The following SPIDR variants were observed in gnomAD, a reference collection of about 807,000 sequenced individuals.
The protein encoded by SPIDR is scaffold protein involved in DNA repair, also known as DNA repair-scaffolding protein.
Under a neutral mutation model 104.6 loss-of-function variants are expected in SPIDR, and 93 were observed. The observed-to-expected ratio is 0.89, with a 90% CI of 0.75 to 1.06. The LOEUF is 1.06. Ranked by LOEUF, SPIDR falls within the 50% of genes least tolerant of loss-of-function variation. SPIDR has a pLI of 0.00. For missense variants in SPIDR, 1,154 were observed against 1,111.2 expected (o/e 1.04, Z -0.55); for synonymous variants, 431 against 416.9 (o/e 1.03, Z -0.41).
At chr8:47,274,612 C>T (rs1371965557) in intron 1 of SPIDR, among the ~76,000 whole-genome samples, 1 of 150,506 alleles carries the variant, frequency 6.6e-6, no homozygotes, top group Non-Finnish European at 1.5e-5. Context: ...GAGTCTCGCT[C>T]TATCACCCAT....
chr8:47,525,552 G>C (rs2084845432), intron 8 of SPIDR, among the ~76,000 whole-genome samples: 1 of 151,960 alleles, frequency 6.6e-6, no homozygotes, highest in Admixed American at 6.6e-5. Flanking sequence ...TGTAATCCCA[G>C]CATTTTGGGA....
chr8:47,451,578 C>G (rs1409825440), intron 8 of SPIDR, among the ~76,000 whole-genome samples: 1 of 84,748 alleles, frequency 1.2e-5, no homozygotes, highest in East Asian at 4.7e-4. Context: ...GAAACCCTGC[C>G]AAAACACACA....
chr8:47,596,724 A>C (rs2061658874), intron 9 of SPIDR, among the ~76,000 whole-genome samples: 1 of 152,050 alleles, frequency 6.6e-6, no homozygotes, highest in Admixed American at 6.6e-5. Flanking sequence ...TAAACTTTAA[A>C]TTTTTCATTA....
intron 10 of SPIDR, among the ~76,000 whole-genome samples, chr8:47,605,531 C>T (rs2062828227): frequency 1.3e-5 from 2 of 152,146 alleles, no homozygotes; most frequent in Admixed American, 1.3e-4. Flanking sequence ...AATGTGTATG[C>T]AGGTACCATT....
At chr8:47,328,000 G>GT (rs144077967) in intron 5 of SPIDR, among the ~76,000 whole-genome samples, 1,852 of 139,112 alleles carry the variant, frequency 0.013, 37 homozygotes, top group African/African-American at 0.042. Context: ...CCCTGGCCGT[G>GT]TTTTTTTTTT....
At chr8:47,698,222 GTTTGTTGC>G (rs200798746) in intron 11 of SPIDR, among the ~76,000 whole-genome samples, 4,705 of 152,274 alleles carry the variant, frequency 0.031, 138 homozygotes, top group Admixed American at 0.089. Flanking sequence ...CTGTCAGACT[GTTTGTTGC>G]TTAAACATAT....
chr8:47,357,974 G>T, intron 5 of SPIDR: 1 of 532,270 alleles, frequency 1.9e-6, no homozygotes, highest in Non-Finnish European at 2.4e-6. Flanking sequence ...ATTCACTCTG[G>T]CAGTCTTTCC....
rs1050814108 is a variant in SPIDR at position 47,481,998 on chromosome 8, T to C, written c.1097+41456T>C. 2.6e-5 allele frequency among the ~76,000 whole-genome samples: 4 copies of C among 152,344 alleles called. No homozygotes were observed. The East Asian group carries it at 7.7e-4, about 29-fold the overall frequency. ...TTCTATTTGGAGTAAATAACACATT[T>C]TGGCATGGTTCTTCATGTCTTAGCA... On this transcript the variant is annotated intron_variant, in intron 8 of 19. Transcript: ENST00000297423.
chr8:47,459,286 T>G lies in SPIDR; in HGVS notation c.1097+18744T>G, dbSNP rs548030965. Among the ~76,000 whole-genome samples the G allele has an allele frequency of 2.6e-5, 4 of 152,252 alleles. No homozygotes were observed. The East Asian group carries it at 7.7e-4, about 29-fold the overall frequency. On this transcript the variant is annotated intron_variant, in intron 8 of 19. Transcript: ENST00000297423. Reference sequence around the variant, plus strand: ...TGGTCCTGGAAGTTTTTTTTCTTGGTAATTCTTTTATTACCGTTTCAACCT... The same window carrying G: ...TGGTCCTGGAAGTTTTTTTTCTTGGGAATTCTTTTATTACCGTTTCAACCT...
chr8:47,599,159 G>C lies in SPIDR; in HGVS notation c.1507G>C (p.Gly503Arg), dbSNP rs367805804. 2 of 1,613,654 alleles carry C rather than the reference G, an allele frequency of 1.2e-6. No individual in the cohort carries two copies. Among genetic ancestry groups the C allele is most frequent in the Non-Finnish European group, 8.5e-7 (1 of 1,179,940 alleles). Residue 503 changes from glycine to arginine, a missense_variant, in exon 10 of 20, where the codon GGG (glycine) becomes CGG (arginine). By Grantham distance (125) the Gly-to-Arg change is moderately radical. Transcript: ENST00000297423. ...PSRDSTRGQQ[G>R]ASSGHTDPAG... The stretch of plus-strand genomic sequence containing the variant: ...CAGAGACAGCACCAGGGGTCAGCAG[G>C]GGGCCAGCTCAGGACACACAGACCC...
chr8:47,525,933 T>G (rs930813546), intron 8 of SPIDR, among the ~76,000 whole-genome samples: 26 of 152,182 alleles, frequency 1.7e-4, no homozygotes, highest in African/African-American at 6.0e-4. Flanking sequence ...CCTGCAGTTG[T>G]AGAAAATGTG....
At chr8:47,400,884 A>G (rs547567507) in intron 6 of SPIDR, among the ~76,000 whole-genome samples, 59 of 152,286 alleles carry the variant, frequency 3.9e-4, no homozygotes, top group Non-Finnish European at 6.9e-4. Flanking sequence ...AGTTACAGGG[A>G]GAATGGAACC....
At chr8:47,391,956 A>G (rs1268598223) in intron 5 of SPIDR, among the ~76,000 whole-genome samples, 3 of 149,214 alleles carry the variant, frequency 2.0e-5, no homozygotes, top group African/African-American at 7.5e-5. Context: ...AGATTGCGCC[A>G]CTGCACTCCA....
chr8:47,384,841 A>AT, intron 5 of SPIDR, among the ~76,000 whole-genome samples: 1 of 152,186 alleles, frequency 6.6e-6, no homozygotes. Context: ...CCTAAGAAAT[A>AT]TTTATTTATT....
At chr8:47,385,967 G>T (rs1021222301) in intron 5 of SPIDR, among the ~76,000 whole-genome samples, 10 of 151,884 alleles carry the variant, frequency 6.6e-5, no homozygotes, top group Non-Finnish European at 1.3e-4. Context: ...TTTTTAAAAT[G>T]TATCCATATT....
intron 5 of SPIDR, chr8:47,330,803 T>A (rs1554604014): frequency 4.4e-6 from 2 of 456,088 alleles, no homozygotes. Flanking sequence ...TGATTGAAGG[T>A]GCTATAAACA....
chr8:47,411,376 A>T (rs1467186881), intron 7 of SPIDR, among the ~76,000 whole-genome samples: 2 of 152,050 alleles, frequency 1.3e-5, no homozygotes, highest in African/African-American at 4.8e-5. Context: ...ATGGTATCTC[A>T]TTGTGGTTTC....
At chr8:47,412,087 G>A (rs1051506172) in intron 7 of SPIDR, among the ~76,000 whole-genome samples, 1 of 152,164 alleles carries the variant, frequency 6.6e-6, no homozygotes, top group East Asian at 1.9e-4. Flanking sequence ...GTCAGGTAGT[G>A]TGATGCCTCC....
At position 47,547,126 on chromosome 8, in the gene SPIDR, C is replaced by T. The variant is rs1226041613; in HGVS notation, c.1098-48685C>T. On this transcript the variant is annotated intron_variant, in intron 8 of 19. Coordinates refer to ENST00000297423, the MANE Select transcript of SPIDR (RefSeq NM_001080394.4). ...AAATCAATCTGAATGGGATCATTCACCTTGATGGAGGGGATCAGGGTAGCA... is the reference window on the plus strand; with the variant it reads ...AAATCAATCTGAATGGGATCATTCATCTTGATGGAGGGGATCAGGGTAGCA... 9 of 588,712 alleles carry T rather than the reference C, an allele frequency of 1.5e-5. No individual in the cohort carries two copies. In the East Asian group the frequency reaches 3.5e-4, roughly 23 times the overall value. The allele number at this position is 588,712 out of a possible 1,614,324, so 36.5% of individuals were successfully genotyped here. A position where few individuals can be genotyped will look rare whatever the true frequency, so the allele number is the denominator to read the frequency against.
Sources: allele counts gnomAD v4.1 joint callset (sites outside exome capture counted in the v4.1 genomes callset), GRCh38; gene constraint gnomAD v4.1.1; transcripts MANE v1.5; gene names NCBI Gene and HGNC (gene_info 2026-07-23, HGNC 2026-07-21).